The following TTC8 variants were observed in gnomAD, a reference collection of about 807,000 sequenced individuals.
The protein encoded by TTC8 is tetratricopeptide repeat protein 8.
Under a neutral mutation model 72.5 loss-of-function variants are expected in TTC8, and 47 were observed. That is an observed-to-expected ratio of 0.65 (90% CI 0.51 to 0.83). The LOEUF (loss-of-function observed/expected upper bound fraction) is 0.83, where lower values mean the gene tolerates loss of function less well. TTC8 is among the 40% of genes least tolerant of loss of function. TTC8 has a pLI of 0.00. For missense variants in TTC8, 611 were observed against 623.2 expected, an observed-to-expected ratio of 0.98 and a Z score of 0.21; for synonymous variants, 199 against 221.4, an observed-to-expected ratio of 0.90 and a Z score of 0.90.
rs78946600 is a variant in TTC8, at chr14:88,841,772, G to A, written c.579+258G>A. On this transcript the variant is annotated intron_variant, in intron 6 of 14. Coordinates refer to ENST00000380656, the MANE Select transcript of TTC8 (RefSeq NM_144596.4). ...TAGTAATTTGTAACAAAGAAAGCAG[G>A]TATGCAGCATCATCTTTGTAGAATG... 1.1e-4 allele frequency among the ~76,000 whole-genome samples: 17 copies of A among 152,266 alleles called. No individual in the cohort carries two copies. The East Asian group carries it at 3.1e-3, about 28-fold the overall frequency.
At chr14:88,837,012 G>T in intron 2 of TTC8, 1 of 263,970 alleles carries the variant, frequency 3.8e-6, no homozygotes, top group Non-Finnish European at 7.8e-6. Flanking sequence ...AGCAAGCCGA[G>T]ATCACGCCAT....
chr14:88,860,660 A>G (rs2094881402), intron 9 of TTC8, among the ~76,000 whole-genome samples: 1 of 152,168 alleles, frequency 6.6e-6, no homozygotes, highest in Non-Finnish European at 1.5e-5. Flanking sequence ...TCTAGTTACT[A>G]TTGCCAGTCT....
rs1023703212 is a variant in TTC8 at position 88,859,405 on chromosome 14, C to G, written c.799-1817C>G. 1.2e-4 allele frequency among the ~76,000 whole-genome samples: 19 copies of G among 152,038 alleles called. 1 individual carries two copies. Among genetic ancestry groups the G allele is most frequent in the Admixed American group, 1.2e-3 (18 of 15,256 alleles). ...GCTGGAGGCCATTATCCTCAGCAAACTAACACAGGAACAGAAAACCACATA... is the reference window on the plus strand; with the variant it reads ...GCTGGAGGCCATTATCCTCAGCAAAGTAACACAGGAACAGAAAACCACATA... On this transcript the variant is annotated intron_variant, in intron 9 of 14. Transcript: ENST00000380656.
At chr14:88,828,892 T>C (rs1181842625) in intron 1 of TTC8, among the ~76,000 whole-genome samples, 3 of 152,234 alleles carry the variant, frequency 2.0e-5, no homozygotes, top group Non-Finnish European at 4.4e-5. Flanking sequence ...TGCCTTGTAT[T>C]TTCTATTAGG....
chr14:88,825,890 CA>C (rs1341068108), intron 1 of TTC8, among the ~76,000 whole-genome samples: 1 of 152,202 alleles, frequency 6.6e-6, no homozygotes, highest in Non-Finnish European at 1.5e-5. Context: ...AGTGGTAATA[CA>C]AAGCTAGGTT....
At chr14:88,872,587 CT>C in intron 13 of TTC8, 135 bp downstream of exon 13, 2 of 1,281,578 alleles carry the variant, frequency 1.6e-6, no homozygotes, top group Non-Finnish European at 2.2e-6. Context: ...AATCCCAGCT[CT>C]GTTGTGTATT....
chr14:88,850,633 C>T (rs941820472), intron 7 of TTC8, among the ~76,000 whole-genome samples: 8 of 152,208 alleles, frequency 5.3e-5, no homozygotes, highest in South Asian at 2.1e-4. Context: ...GTGGAGGAGT[C>T]GAGATTGTGC....
intron 7 of TTC8, among the ~76,000 whole-genome samples, chr14:88,848,080 G>A (rs1245888959): frequency 2.3e-5 from 3 of 127,908 alleles, no homozygotes; most frequent in Admixed American, 9.8e-5. Flanking sequence ...CCCAGATCGC[G>A]CCACTGCATT....
intron 1 of TTC8, among the ~76,000 whole-genome samples, chr14:88,832,206 G>C (rs1455993354): frequency 6.6e-6 from 1 of 152,198 alleles, no homozygotes; most frequent in African/African-American, 2.4e-5. Context: ...ACAAGACAGA[G>C]AGATCGCGGA....
intron 2 of TTC8, among the ~76,000 whole-genome samples, chr14:88,834,698 ATT>A (rs372300947): frequency 1.4e-5 from 2 of 147,358 alleles, no homozygotes; most frequent in African/African-American, 5.0e-5. Flanking sequence ...GGGCAAAACT[ATT>A]TTTTTTTTTG....
intron 7 of TTC8, 32 bp downstream of exon 7, chr14:88,843,882 T>C (rs745806578): frequency 2.7e-6 from 4 of 1,481,982 alleles, no homozygotes; most frequent in Non-Finnish European, 3.7e-6. Context: ...TTTTCTTTTA[T>C]TGTAATTTTT....
At chr14:88,869,217 G>A (rs1020912906) in intron 10 of TTC8, among the ~76,000 whole-genome samples, 1 of 152,082 alleles carries the variant, frequency 6.6e-6, no homozygotes, top group African/African-American at 2.4e-5. Context: ...CCTTGAAGGT[G>A]GACTTGAGAA....
chr14:88,836,972 A>G, intron 2 of TTC8: 1 of 225,808 alleles, frequency 4.4e-6, no homozygotes, highest in South Asian at 4.1e-5. Flanking sequence ...GAGGCAGGAG[A>G]ATTGCTTGAA....
intron 13 of TTC8, among the ~76,000 whole-genome samples, chr14:88,873,725 T>C (rs1358985985): frequency 2.0e-5 from 3 of 152,206 alleles, no homozygotes; most frequent in African/African-American, 7.2e-5. Context: ...ATTATTATAA[T>C]GATATATGTA....
At position 88,833,623 on chromosome 14, in the gene TTC8, G is replaced by A. The variant is rs2094736471; in HGVS notation, c.115-70G>A. ...GAGTTCACCTACAAATACTTGGTTG[G>A]TCCTTAGGACTTTTTATTTTAGAAA... On this transcript the variant is annotated intron_variant, in intron 1 of 14. Coordinates refer to ENST00000380656, the MANE Select transcript of TTC8 (RefSeq NM_144596.4). 10 of 1,417,180 alleles carry A rather than the reference G, an allele frequency of 7.1e-6. No homozygotes were observed. The East Asian group carries it at 2.3e-4, about 32-fold the overall frequency. The allele number at this position is 1,417,180 out of a possible 1,614,324, so 87.8% of individuals were successfully genotyped here.
Position 88,872,392 on chromosome 14 carries a change from C to T in TTC8, c.1287C>T (p.Asn429=). 1 of 1,614,072 alleles carries T rather than the reference C, an allele frequency of 6.2e-7. No individual in the cohort carries two copies. Among genetic ancestry groups the T allele is most frequent in the Non-Finnish European group, 8.5e-7 (1 of 1,179,960 alleles). ...CFRLALVNNN[N]HAEAYNNLAV... is the part of the protein sequence containing the mutation. ...GGCTGGCTCTGGTCAACAACAACAACCACGCCGAGGCCTACAACAACCTGG... is the reference window on the plus strand; with the variant it reads ...GGCTGGCTCTGGTCAACAACAACAATCACGCCGAGGCCTACAACAACCTGG... Residue 429 remains asparagine, a synonymous_variant, in exon 13 of 15, where the codon AAC becomes AAT. Transcript: ENST00000380656.
At chr14:88,824,909 G>C in intron 1 of TTC8, 88 bp downstream of exon 1, 1 of 1,291,826 alleles carries the variant, frequency 7.7e-7, no homozygotes, top group Non-Finnish European at 1.1e-6. Context: ...GGGAGGCCGG[G>C]GAGGAAGGCC....
At position 88,857,206 on chromosome 14, in the gene TTC8, G is replaced by A. The variant is rs1419727328; in HGVS notation, c.727G>A (p.Glu243Lys). 6.2e-6 allele frequency: 10 copies of A among 1,613,744 alleles called. No homozygotes were observed. In the South Asian group the frequency reaches 1.1e-4, roughly 18 times the overall value. ...KCYYRLGMYR[E>K]AEKQFKSALK... ...TATTTGTAGGTTGGGAATGTATCGT[G>A]AAGCAGAAAAACAGTTTAAATCAGC... Residue 243 changes from glutamate (E) to lysine (K), a missense_variant, in exon 9 of 15, where the codon GAA (glutamate) becomes AAA (lysine). By Grantham distance (56) the Glu-to-Lys change is moderately conservative. Transcript: ENST00000380656.
At chr14:88,877,246 AT>A in intron 14 of TTC8, 47 bp from the exon 15 acceptor site, 7 of 1,432,460 alleles carry the variant, frequency 4.9e-6, no homozygotes, top group South Asian at 1.2e-5. Flanking sequence ...TTCCTTACTC[AT>A]TTTTTTCTGA....
Sources: gnomAD v4.1 joint callset for allele counts (sites outside exome capture counted in the v4.1 genomes callset) on GRCh38, gnomAD v4.1.1 for gene constraint, MANE v1.5 for transcripts, NCBI Gene and HGNC (gene_info 2026-07-23, HGNC 2026-07-21) for gene names.